NTNG1: variants seen among roughly 807,000 people sequenced by gnomAD.
The protein encoded by NTNG1 is netrin G1.
NTNG1 carries 16 observed loss-of-function variants against 54.0 expected under a neutral mutation model. That is an observed-to-expected ratio of 0.30 (90% CI 0.20 to 0.45). The LOEUF (loss-of-function observed/expected upper bound fraction) is 0.45, where lower values mean the gene tolerates loss of function less well. Among genes scored for constraint, NTNG1 ranks in the 20% least tolerant of loss-of-function variants. The pLI is 1.00. For missense variants in NTNG1, 530 were observed against 678.7 expected (o/e 0.78, Z 2.43); for synonymous variants, 255 against 263.1 (o/e 0.97, Z 0.30).
chr1:107,335,391 G>A (rs1668519908), intron 3 of NTNG1, among the ~76,000 whole-genome samples: 1 of 151,900 alleles, frequency 6.6e-6, no homozygotes, highest in Non-Finnish European at 1.5e-5. Context: ...TCAAAGCTGG[G>A]GTTTCAAAGA....
At chr1:107,301,876 C>T (rs925012924) in intron 2 of NTNG1, among the ~76,000 whole-genome samples, 1 of 152,188 alleles carries the variant, frequency 6.6e-6, no homozygotes, top group Non-Finnish European at 1.5e-5. Flanking sequence ...TGTTGTGAAT[C>T]TTTATGAGGG....
chr1:107,280,182 G>C (rs532672223), intron 2 of NTNG1, among the ~76,000 whole-genome samples: 1 of 54,946 alleles, frequency 1.8e-5, no homozygotes, highest in African/African-American at 7.2e-5. Context: ...TTCCCTCACT[G>C]TTTTGGTTAT....
At chr1:107,409,303 G>A (rs559618997) in intron 5 of NTNG1, 2 of 152,262 alleles carry the variant, frequency 1.3e-5, no homozygotes, top group East Asian at 3.9e-4. Context: ...AGATTATTGA[G>A]GCTGCTATAG....
intron 2 of NTNG1, among the ~76,000 whole-genome samples, chr1:107,155,748 A>G (rs984707900): frequency 6.6e-6 from 1 of 152,204 alleles, no homozygotes; most frequent in Non-Finnish European, 1.5e-5. Flanking sequence ...AAATGATAAC[A>G]TGGTTCTAGC....
chr1:107,210,522 A>G (rs1290277493), intron 2 of NTNG1, among the ~76,000 whole-genome samples: 1 of 152,148 alleles, frequency 6.6e-6, no homozygotes, highest in Non-Finnish European at 1.5e-5. Context: ...AAGTTGAGGC[A>G]TTTGCCCATT....
At chr1:107,352,461 T>C (rs1447001741) in intron 3 of NTNG1, among the ~76,000 whole-genome samples, 1 of 152,068 alleles carries the variant, frequency 6.6e-6, no homozygotes, top group African/African-American at 2.4e-5. Flanking sequence ...TAGACAATGC[T>C]CAAATGGGGA....
intron 2 of NTNG1, among the ~76,000 whole-genome samples, chr1:107,244,519 G>A (rs765574886): frequency 1.3e-5 from 2 of 152,156 alleles, no homozygotes; most frequent in Non-Finnish European, 2.9e-5. Flanking sequence ...CTGCCATTAT[G>A]TGAGATCATG....
At chr1:107,304,848 C>T (rs1557884491) in intron 2 of NTNG1, among the ~76,000 whole-genome samples, 1 of 151,890 alleles carries the variant, frequency 6.6e-6, no homozygotes, top group African/African-American at 2.4e-5. Flanking sequence ...AACTCATCAT[C>T]TACATTAGGT....
At chr1:107,317,412 CAAT>C (rs1409957685) in intron 2 of NTNG1, among the ~76,000 whole-genome samples, 1 of 152,140 alleles carries the variant, frequency 6.6e-6, no homozygotes, top group Non-Finnish European at 1.5e-5. Context: ...CTACCACTTA[CAAT>C]AATGTTACCT....
At chr1:107,455,955 CT>C (rs1329272689) in intron 7 of NTNG1, among the ~76,000 whole-genome samples, 9 of 152,122 alleles carry the variant, frequency 5.9e-5, no homozygotes, top group African/African-American at 2.2e-4. Flanking sequence ...AAAACAGGAT[CT>C]TTGAAAACAT....
At chr1:107,258,582 C>T (rs1366437781) in intron 2 of NTNG1, among the ~76,000 whole-genome samples, 1 of 152,148 alleles carries the variant, frequency 6.6e-6, no homozygotes, top group Non-Finnish European at 1.5e-5. Context: ...TCACAAGATA[C>T]CTGTTTTAAG....
intron 2 of NTNG1, among the ~76,000 whole-genome samples, chr1:107,195,656 C>A (rs1279561926): frequency 6.6e-6 from 1 of 151,738 alleles, no homozygotes; most frequent in African/African-American, 2.4e-5. Context: ...CCTTAGCAGT[C>A]TCCCTTGCCC....
chr1:107,210,613 T>G (rs150549079), intron 2 of NTNG1, among the ~76,000 whole-genome samples: 31 of 152,304 alleles, frequency 2.0e-4, no homozygotes, highest in Admixed American at 1.2e-3. Flanking sequence ...TTCAATGTAT[T>G]TCTTCATCTG....
chr1:107,483,869 G>T lies in NTNG1; in HGVS notation c.*3029G>T, dbSNP rs945602648. ...GATTTGCTATTTATAGGAAGATAAT[G>T]GACATGCCCTGCTGTGATTTGAGGG... On this transcript the variant is annotated 3_prime_UTR_variant, in exon 8 of 8. Coordinates refer to ENST00000370068, the MANE Select transcript of NTNG1 (RefSeq NM_001113226.3). Among the ~76,000 whole-genome samples, 2 of 152,180 alleles carry T rather than the reference G, an allele frequency of 1.3e-5. No homozygotes were observed. Among genetic ancestry groups the T allele is most frequent in the Non-Finnish European group, 2.9e-5 (2 of 68,032 alleles).
chr1:107,316,179 C>T (rs1253659492), intron 2 of NTNG1, among the ~76,000 whole-genome samples: 1 of 152,160 alleles, frequency 6.6e-6, no homozygotes, highest in Non-Finnish European at 1.5e-5. Context: ...TTCCAATGCA[C>T]ACCAGATGCT....
intron 3 of NTNG1, among the ~76,000 whole-genome samples, chr1:107,370,068 G>A (rs142392368): frequency 6.1e-4 from 93 of 151,830 alleles, no homozygotes; most frequent in South Asian, 2.5e-3. Context: ...GCTATATTCC[G>A]TTCTCCAATC....
chr1:107,421,097 A>C, intron 5 of NTNG1: 1 of 1,609,550 alleles, frequency 6.2e-7, no homozygotes, highest in Non-Finnish European at 8.5e-7. Flanking sequence ...CTCCCAAATT[A>C]GCTTTGTCAA....
At position 107,350,197 on chromosome 1, in the gene NTNG1, T is replaced by G. The variant is rs1308697947; in HGVS notation, c.887+25275T>G. Among the ~76,000 whole-genome samples the G allele has an allele frequency of 2.6e-5, 4 of 152,122 alleles. No individual in the cohort carries two copies. The East Asian group carries it at 7.7e-4, about 29-fold the overall frequency. Reference sequence around the variant, plus strand: ...CATTCTTGTTTCTTATATTGGGAAATATCTTTCCCTGTATTTTGCCCATTT... The same window carrying G: ...CATTCTTGTTTCTTATATTGGGAAAGATCTTTCCCTGTATTTTGCCCATTT... On this transcript the variant is annotated intron_variant, in intron 3 of 7. Coordinates refer to ENST00000370068, the MANE Select transcript of NTNG1 (RefSeq NM_001113226.3).
At chr1:107,471,310 C>T (rs201263217) in intron 7 of NTNG1, among the ~76,000 whole-genome samples, 6 of 152,154 alleles carry the variant, frequency 3.9e-5, no homozygotes, top group African/African-American at 1.4e-4. Context: ...CACAGAGTCT[C>T]GCCACCGAAG....
Sources: allele counts gnomAD v4.1 joint callset (sites outside exome capture counted in the v4.1 genomes callset), GRCh38; gene constraint gnomAD v4.1.1; transcripts MANE v1.5; gene names NCBI Gene and HGNC (gene_info 2026-07-23, HGNC 2026-07-21).